GAB1: variants seen among roughly 807,000 people sequenced by gnomAD.
The protein encoded by GAB1 is GRB2 associated binding protein 1, also known as GRB2-associated-binding protein 1.
A neutral mutation model predicts 66.5 loss-of-function variants in GAB1; 19 were observed. That is an observed-to-expected ratio of 0.29 (90% CI 0.20 to 0.42). The LOEUF is 0.42. Among genes scored for constraint, GAB1 ranks in the 10% least tolerant of loss-of-function variants. The pLI, the probability that GAB1 is intolerant of heterozygous loss-of-function variation, is 1.00. For synonymous variants in GAB1, 294 were observed against 301.4 expected (o/e 0.98, Z 0.25); for missense variants, 732 against 858.5 (o/e 0.85, Z 1.84).
At chr4:143,348,466 C>T (rs1041065933) in intron 1 of GAB1, among the ~76,000 whole-genome samples, 1 of 152,214 alleles carries the variant, frequency 6.6e-6, no homozygotes. Flanking sequence ...TCTCATTCTC[C>T]ACACCCAGTG....
chr4:143,460,344 A>G lies in GAB1; in HGVS notation c.1680-20A>G. ...ATTTTTGTCAAGGCTTATGTTTGTG[A>G]TGATAATTTCTGTAATTAGCTCTTC... On this transcript the variant is annotated intron_variant, in intron 7 of 9. Coordinates refer to ENST00000262994, the MANE Select transcript of GAB1 (RefSeq NM_002039.4). 1 of 1,612,658 alleles carries G rather than the reference A, an allele frequency of 6.2e-7. No homozygotes were observed. Among genetic ancestry groups the G allele is most frequent in the South Asian group, 1.1e-5 (1 of 91,038 alleles).
chr4:143,351,666 A>G (rs1309206610), intron 1 of GAB1, among the ~76,000 whole-genome samples: 2 of 152,116 alleles, frequency 1.3e-5, no homozygotes, highest in Non-Finnish European at 2.9e-5. Context: ...CCCCACTTCC[A>G]TATCATTTAA....
At chr4:143,342,407 G>C (rs1728849695) in intron 1 of GAB1, among the ~76,000 whole-genome samples, 1 of 152,116 alleles carries the variant, frequency 6.6e-6, no homozygotes, top group African/African-American at 2.4e-5. Context: ...GCCATAACCT[G>C]CTTAAAAATG....
At chr4:143,388,381 A>T (rs1161647552) in intron 1 of GAB1, among the ~76,000 whole-genome samples, 1 of 152,116 alleles carries the variant, frequency 6.6e-6, no homozygotes, top group Non-Finnish European at 1.5e-5. Context: ...ATGTAACTTA[A>T]CACCTGGAGG....
intron 1 of GAB1, among the ~76,000 whole-genome samples, chr4:143,401,141 C>T (rs1352099856): frequency 6.6e-6 from 1 of 152,038 alleles, no homozygotes; most frequent in Non-Finnish European, 1.5e-5. Context: ...TTGTAGATAA[C>T]TATAAGTAGA....
At chr4:143,434,801 T>C (rs1733861806) in intron 3 of GAB1, among the ~76,000 whole-genome samples, 1 of 152,178 alleles carries the variant, frequency 6.6e-6, no homozygotes, top group Non-Finnish European at 1.5e-5. Flanking sequence ...CTATAAGGCA[T>C]TTTAATTGGA....
At chr4:143,414,364 T>C (rs1732566729) in intron 1 of GAB1, among the ~76,000 whole-genome samples, 2 of 152,150 alleles carry the variant, frequency 1.3e-5, no homozygotes, top group African/African-American at 2.4e-5. Flanking sequence ...TGACCATAGA[T>C]TTAGGGAGGG....
intron 1 of GAB1, among the ~76,000 whole-genome samples, chr4:143,382,664 A>G (rs532684000): frequency 6.6e-6 from 1 of 152,342 alleles, no homozygotes; most frequent in South Asian, 2.1e-4. Context: ...TGTTGGCTTT[A>G]AAGAAAGAAG....
chr4:143,416,682 G>A (rs1173768838), intron 2 of GAB1, among the ~76,000 whole-genome samples: 2 of 152,018 alleles, frequency 1.3e-5, no homozygotes, highest in African/African-American at 4.8e-5. Context: ...GCTGAGGCAG[G>A]AGAATCGCTT....
intron 8 of GAB1, among the ~76,000 whole-genome samples, chr4:143,462,461 C>T (rs1303645715): frequency 1.3e-5 from 2 of 151,824 alleles, no homozygotes; most frequent in Non-Finnish European, 2.9e-5. Context: ...TGGAAAGTCC[C>T]ATATAATAGG....
At position 143,471,322 on chromosome 4, in the gene GAB1, A is replaced by G. The variant is rs949233183; in HGVS notation, c.*2133A>G. Reference sequence around the variant, plus strand: ...TAATTTAAAAATGGTGATGTATTAGAAAGGCAGTTTGCTTTAGAAAACTAA... The same window carrying G: ...TAATTTAAAAATGGTGATGTATTAGGAAGGCAGTTTGCTTTAGAAAACTAA... On this transcript the variant is annotated 3_prime_UTR_variant, in exon 10 of 10. Transcript: ENST00000262994. 5.9e-5 allele frequency: 9 copies of G among 152,158 alleles called. No homozygotes were observed. Among genetic ancestry groups the G allele is most frequent in the African/African-American group, 2.2e-4 (9 of 41,428 alleles). The allele number at this position is 152,158 out of a possible 1,614,324, so 9.4% of individuals were successfully genotyped here. A position where few individuals can be genotyped will look rare whatever the true frequency, so the allele number is the denominator to read the frequency against.
chr4:143,342,733 T>C (rs1728865450), intron 1 of GAB1, among the ~76,000 whole-genome samples: 1 of 151,728 alleles, frequency 6.6e-6, no homozygotes, highest in Admixed American at 6.6e-5. Flanking sequence ...AATTTTTTTT[T>C]TGTATTTTTA....
intron 2 of GAB1, among the ~76,000 whole-genome samples, chr4:143,428,476 T>C (rs1204410308): frequency 6.6e-6 from 1 of 152,200 alleles, no homozygotes. Flanking sequence ...CCCTTGGTCT[T>C]ACTTTTCCAA....
At chr4:143,448,808 T>C (rs1231050510) in intron 6 of GAB1, among the ~76,000 whole-genome samples, 1 of 151,338 alleles carries the variant, frequency 6.6e-6, no homozygotes, top group Admixed American at 6.6e-5. Context: ...GCTCTGATTT[T>C]AGTTATTTCT....
At chr4:143,373,868 A>AATAAATAAATAAATATATATATAT in intron 1 of GAB1, among the ~76,000 whole-genome samples, 1,120 of 93,604 alleles carry the variant, frequency 0.012, 56 homozygotes, top group African/African-American at 0.045. Flanking sequence ...TAAATAAATA[A>AATAAATAAATAAATATATATATAT]ATATATATAT....
At chr4:143,435,654 TATG>T (rs771526471) in intron 3 of GAB1, among the ~76,000 whole-genome samples, 6 of 152,190 alleles carry the variant, frequency 3.9e-5, no homozygotes, top group Non-Finnish European at 7.3e-5. Flanking sequence ...TGCCCAATAT[TATG>T]CTAGGTGCTA....
chr4:143,348,663 AT>A (rs749111930), intron 1 of GAB1, among the ~76,000 whole-genome samples: 1 of 152,234 alleles, frequency 6.6e-6, no homozygotes. Flanking sequence ...TACCAATCTG[AT>A]AATGCCATTC....
intron 1 of GAB1, among the ~76,000 whole-genome samples, chr4:143,340,465 T>C (rs1418136342): frequency 2.0e-5 from 3 of 152,356 alleles, no homozygotes; most frequent in South Asian, 4.1e-4. Flanking sequence ...CTGATTAAGA[T>C]GATCCATAAG....
intron 6 of GAB1, among the ~76,000 whole-genome samples, chr4:143,456,180 G>A (rs28925933): frequency 7.0e-4 from 107 of 152,260 alleles, no homozygotes; most frequent in African/African-American, 2.5e-3. Flanking sequence ...CATCGTAGCC[G>A]GGCGCGGTGG....
Sources: gnomAD v4.1 joint callset for allele counts (sites outside exome capture counted in the v4.1 genomes callset) on GRCh38, gnomAD v4.1.1 for gene constraint, MANE v1.5 for transcripts, NCBI Gene and HGNC (gene_info 2026-07-23, HGNC 2026-07-21) for gene names.